Variants in GPC6 observed in about 807,000 individuals in gnomAD.
The protein encoded by GPC6 is glypican 6, also known as glypican-6.
Under a neutral mutation model 55.2 loss-of-function variants are expected in GPC6, and 14 were observed. The observed-to-expected ratio is 0.25, with a 90% CI of 0.17 to 0.40. The LOEUF is 0.40. GPC6 is among the 10% of genes least tolerant of loss of function. GPC6 has a pLI of 1.00. For synonymous variants in GPC6, 278 were observed against 259.6 expected (o/e 1.07, Z -0.68); for missense variants, 641 against 708.5 (o/e 0.90, Z 1.08).
intron 6 of GPC6, among the ~76,000 whole-genome samples, chr13:94,381,828 C>T (rs970754176): frequency 6.6e-6 from 1 of 152,206 alleles, no homozygotes; most frequent in Non-Finnish European, 1.5e-5. Context: ...TTTACACTTA[C>T]CCGTATTTAG....
At chr13:93,906,602 C>G (rs1439603522) in intron 3 of GPC6, among the ~76,000 whole-genome samples, 1 of 152,062 alleles carries the variant, frequency 6.6e-6, no homozygotes, top group East Asian at 1.9e-4. Flanking sequence ...ACTGAGTCAC[C>G]ATCTTGATGT....
intron 4 of GPC6, among the ~76,000 whole-genome samples, chr13:94,131,158 A>C (rs1886987344): frequency 6.6e-6 from 1 of 152,124 alleles, no homozygotes; most frequent in South Asian, 2.1e-4. Context: ...TAAGTACTTA[A>C]GAAGAAACTT....
At chr13:93,393,553 T>C (rs1244081689) in intron 1 of GPC6, among the ~76,000 whole-genome samples, 1 of 152,140 alleles carries the variant, frequency 6.6e-6, no homozygotes, top group Non-Finnish European at 1.5e-5. Flanking sequence ...GCTAGTTTGC[T>C]TGTGATTAAA....
At chr13:93,784,645 A>T (rs910138167) in intron 2 of GPC6, among the ~76,000 whole-genome samples, 2 of 152,150 alleles carry the variant, frequency 1.3e-5, no homozygotes, top group Admixed American at 6.5e-5. Flanking sequence ...GTCTACTTCC[A>T]ACTGTTGGGT....
chr13:94,210,462 T>C (rs1270428478), intron 4 of GPC6, among the ~76,000 whole-genome samples: 2 of 152,154 alleles, frequency 1.3e-5, no homozygotes, highest in African/African-American at 4.8e-5. Flanking sequence ...TGGCAAAAGT[T>C]TAACATTTTA....
chr13:93,692,042 T>C (rs1419042073), intron 2 of GPC6, among the ~76,000 whole-genome samples: 1 of 152,092 alleles, frequency 6.6e-6, no homozygotes, highest in Non-Finnish European at 1.5e-5. Flanking sequence ...AATTACACTT[T>C]GGGGTTCCAC....
chr13:93,383,080 A>G (rs997334011), intron 1 of GPC6, among the ~76,000 whole-genome samples: 27 of 152,320 alleles, frequency 1.8e-4, no homozygotes, highest in African/African-American at 5.5e-4. Flanking sequence ...GGCTGCTATG[A>G]TCAAATGGTG....
chr13:94,055,810 GT>G (rs1352515128), intron 4 of GPC6, among the ~76,000 whole-genome samples: 1 of 152,092 alleles, frequency 6.6e-6, no homozygotes, highest in Admixed American at 6.6e-5. Context: ...AAAACAAAAA[GT>G]AAAAAAATAG....
At chr13:94,380,101 A>G (rs1180391129) in intron 6 of GPC6, among the ~76,000 whole-genome samples, 1 of 152,206 alleles carries the variant, frequency 6.6e-6, no homozygotes, top group Non-Finnish European at 1.5e-5. Context: ...TTTGTTCTTT[A>G]TCTGAGTCTC....
intron 2 of GPC6, among the ~76,000 whole-genome samples, chr13:93,773,989 C>T (rs570891718): frequency 6.6e-6 from 1 of 152,298 alleles, no homozygotes; most frequent in Non-Finnish European, 1.5e-5. Context: ...ATCAGACAGT[C>T]AGAAGAACTG....
chr13:94,375,126 A>G (rs918365274), intron 6 of GPC6, among the ~76,000 whole-genome samples: 11 of 150,936 alleles, frequency 7.3e-5, no homozygotes, highest in Middle Eastern at 3.2e-3. Flanking sequence ...TCCAAAATTG[A>G]CACCCTAACA....
intron 3 of GPC6, among the ~76,000 whole-genome samples, chr13:93,949,961 C>G (rs192543996): frequency 6.6e-6 from 1 of 152,232 alleles, no homozygotes; most frequent in East Asian, 1.9e-4. Flanking sequence ...CTCCTGAGCT[C>G]AAGTGGTCCA....
intron 4 of GPC6, among the ~76,000 whole-genome samples, chr13:94,277,338 T>C (rs1892247273): frequency 6.6e-6 from 1 of 152,158 alleles, no homozygotes; most frequent in Non-Finnish European, 1.5e-5. Flanking sequence ...TAGACCTTTG[T>C]CAGATGGGTA....
chr13:94,329,538 G>A (rs529458351), intron 6 of GPC6, among the ~76,000 whole-genome samples: 2 of 152,194 alleles, frequency 1.3e-5, no homozygotes, highest in Non-Finnish European at 2.9e-5. Context: ...CTTCATCCCA[G>A]GGGGGAGGTT....
At chr13:94,227,521 C>A (rs533343705) in intron 4 of GPC6, among the ~76,000 whole-genome samples, 1 of 152,130 alleles carries the variant, frequency 6.6e-6, no homozygotes, top group Non-Finnish European at 1.5e-5. Context: ...GCCATACAGG[C>A]CAGTGGGGGA....
chr13:94,396,275 C>A (rs1424572685), intron 7 of GPC6, among the ~76,000 whole-genome samples: 2 of 152,126 alleles, frequency 1.3e-5, no homozygotes, highest in African/African-American at 4.8e-5. Flanking sequence ...AGGACACAGA[C>A]AAATATAGCA....
intron 4 of GPC6, among the ~76,000 whole-genome samples, chr13:94,133,794 C>T (rs1284180142): frequency 6.6e-6 from 1 of 151,834 alleles, no homozygotes; most frequent in Non-Finnish European, 1.5e-5. Flanking sequence ...GATAGCAGTA[C>T]CTCTGTCACA....
chr13:93,274,018 G>C (rs565159367), intron 1 of GPC6, among the ~76,000 whole-genome samples: 1 of 152,014 alleles, frequency 6.6e-6, no homozygotes, highest in East Asian at 2.0e-4. Flanking sequence ...ATGTTGGCCA[G>C]GCTGGTCTTG....
chr13:93,357,740 C>T (rs979963286), intron 1 of GPC6, among the ~76,000 whole-genome samples: 2 of 152,154 alleles, frequency 1.3e-5, no homozygotes, highest in Admixed American at 6.5e-5. Context: ...GAGGCTGAGG[C>T]TGGAGGATCG....
Sources: gnomAD v4.1 joint callset for allele counts (sites outside exome capture counted in the v4.1 genomes callset) on GRCh38, gnomAD v4.1.1 for gene constraint, MANE v1.5 for transcripts, NCBI Gene and HGNC (gene_info 2026-07-23, HGNC 2026-07-21) for gene names.